Variants in SUGCT observed in about 807,000 individuals in gnomAD.
SUGCT encodes the protein succinyl-CoA:glutarate-CoA transferase.
Under a neutral mutation model 55.0 loss-of-function variants are expected in SUGCT, and 41 were observed. The ratio of observed to expected loss-of-function variants is 0.74; its 90% confidence interval spans 0.58 to 0.97. The LOEUF (loss-of-function observed/expected upper bound fraction) is 0.97. Ranked by LOEUF, SUGCT falls within the 50% of genes least tolerant of loss-of-function variation. The pLI, the probability that SUGCT is intolerant of heterozygous loss-of-function variation, is 0.00. For missense variants in SUGCT, 568 were observed against 547.8 expected (o/e 1.04, Z -0.37); for synonymous variants, 187 against 200.4 (o/e 0.93, Z 0.56).
At chr7:40,265,732 A>G (rs1203231756) in intron 7 of SUGCT, among the ~76,000 whole-genome samples, 1 of 152,178 alleles carries the variant, frequency 6.6e-6, no homozygotes, top group Non-Finnish European at 1.5e-5. Context: ...AGACAGGCAG[A>G]TCACTTTAAG....
chr7:40,372,238 T>C (rs1039719624), intron 9 of SUGCT, among the ~76,000 whole-genome samples: 5 of 152,074 alleles, frequency 3.3e-5, no homozygotes, highest in African/African-American at 4.8e-5. Context: ...ATCTGTCAGG[T>C]GTCTGTGTCT....
chr7:40,682,573 A>G (rs1446531143), intron 12 of SUGCT, among the ~76,000 whole-genome samples: 3 of 152,234 alleles, frequency 2.0e-5, no homozygotes, highest in African/African-American at 7.2e-5. Context: ...TGTCCGCTGG[A>G]GAACTCATTG....
chr7:40,224,343 TA>T (rs1317687395), intron 6 of SUGCT, among the ~76,000 whole-genome samples: 1 of 152,034 alleles, frequency 6.6e-6, no homozygotes, highest in Non-Finnish European at 1.5e-5. Flanking sequence ...TGGTTTATAA[TA>T]GTTTTTTTTC....
the SUGCT span, among the ~76,000 whole-genome samples, chr7:40,940,890 T>C: frequency 6.6e-6 from 1 of 152,132 alleles, no homozygotes; most frequent in Non-Finnish European, 1.5e-5. Context: ...TTGCTCTAAC[T>C]AGCATTTCCA....
chr7:40,150,298 C>T (rs372026311), intron 1 of SUGCT, among the ~76,000 whole-genome samples: 89 of 152,288 alleles, frequency 5.8e-4, no homozygotes, highest in Middle Eastern at 3.4e-3. Flanking sequence ...AGCTCTGACT[C>T]CCTGTGACTT....
chr7:40,999,212 G>T, the SUGCT span, among the ~76,000 whole-genome samples: 3 of 151,652 alleles, frequency 2.0e-5, no homozygotes, highest in Non-Finnish European at 4.4e-5. Context: ...CTTCCATTAT[G>T]CACAGCTTTT....
chr7:40,138,505 G>T (rs1434956887), intron 1 of SUGCT, among the ~76,000 whole-genome samples: 1 of 152,150 alleles, frequency 6.6e-6, no homozygotes, highest in African/African-American at 2.4e-5. Context: ...CCTTTGGGTA[G>T]ATGCACAGTA....
At chr7:40,227,594 C>G (rs935588704) in intron 6 of SUGCT, among the ~76,000 whole-genome samples, 1 of 152,030 alleles carries the variant, frequency 6.6e-6, no homozygotes, top group African/African-American at 2.4e-5. Flanking sequence ...CTTGGCTTCC[C>G]AATGTCAACT....
chr7:40,757,326 A>C (rs991433665), intron 13 of SUGCT, among the ~76,000 whole-genome samples: 3 of 152,176 alleles, frequency 2.0e-5, no homozygotes, highest in African/African-American at 7.2e-5. Context: ...AACTATGCTT[A>C]TCTGTGGCAT....
intron 9 of SUGCT, among the ~76,000 whole-genome samples, chr7:40,380,762 G>A (rs1784830351): frequency 6.6e-6 from 1 of 152,074 alleles, no homozygotes; most frequent in African/African-American, 2.4e-5. Flanking sequence ...AAAATTTGTG[G>A]TATAGTTTGC....
chr7:40,746,621 A>G (rs574835842), intron 12 of SUGCT, among the ~76,000 whole-genome samples: 13 of 152,326 alleles, frequency 8.5e-5, no homozygotes, highest in South Asian at 4.1e-4. Context: ...AAAATATCCT[A>G]TATAGACAGC....
intron 9 of SUGCT, among the ~76,000 whole-genome samples, chr7:40,401,644 A>T (rs140604534): frequency 5.7e-4 from 87 of 152,306 alleles, no homozygotes; most frequent in African/African-American, 2.0e-3. Flanking sequence ...AAGAGTGATT[A>T]AGCCCTAGGG....
At position 40,611,285 on chromosome 7, in the gene SUGCT, A is replaced by T. The variant is rs545335164; in HGVS notation, c.1089+114899A>T. Reference sequence around the variant, plus strand: ...CCTGTGTAAAGTAAAATGAATTATCATAATTTATTAGCAAATTCAATTTTC... The same window carrying T: ...CCTGTGTAAAGTAAAATGAATTATCTTAATTTATTAGCAAATTCAATTTTC... On this transcript the variant is annotated intron_variant, in intron 12 of 13. Transcript: ENST00000335693. Among the ~76,000 whole-genome samples, 8 of 152,354 alleles carry T rather than the reference A, an allele frequency of 5.3e-5. No individual in the cohort carries two copies. In the South Asian group the frequency reaches 1.4e-3, roughly 28 times the overall value.
rs1453191678 is a variant in SUGCT, at chr7:40,505,525, GT to G, written c.1089+9143del. On this transcript the variant is annotated intron_variant, in intron 12 of 13. Transcript: ENST00000335693. ...AGAATTTTTAAAGTAATATCTTTGA[GT>G]TTTCTTATTGTTTTATCTAAGCCTT... is the stretch of plus-strand genomic sequence containing the variant. Among the ~76,000 whole-genome samples the G allele has an allele frequency of 4.4e-4, 67 of 151,912 alleles. 3 individuals carry two copies. Among genetic ancestry groups the G allele is most frequent in the Non-Finnish European group, 1.0e-4 (7 of 67,948 alleles).
At chr7:40,903,707 G>A in the SUGCT span, among the ~76,000 whole-genome samples, 87 of 152,254 alleles carry the variant, frequency 5.7e-4, 2 homozygotes, top group Non-Finnish European at 4.3e-4. Flanking sequence ...GTGGCACCCT[G>A]GGCTTTCAAT....
At chr7:40,819,661 C>A (rs921755512) in intron 13 of SUGCT, among the ~76,000 whole-genome samples, 6 of 152,078 alleles carry the variant, frequency 3.9e-5, no homozygotes, top group African/African-American at 1.4e-4. Context: ...GATATTAGCC[C>A]TTTGTCAGAT....
intron 9 of SUGCT, among the ~76,000 whole-genome samples, chr7:40,428,039 C>G (rs1787678975): frequency 6.6e-6 from 1 of 151,990 alleles, no homozygotes; most frequent in African/African-American, 2.4e-5. Flanking sequence ...TTCTCTTTAT[C>G]TTCCTTTTGC....
chr7:40,847,928 AT>A, intron 13 of SUGCT, among the ~76,000 whole-genome samples: 1 of 152,318 alleles, frequency 6.6e-6, no homozygotes, highest in African/African-American at 2.4e-5. Context: ...TACTGGCATT[AT>A]ACATTAGCCA....
rs201979802 is a variant in SUGCT at position 40,315,113 on chromosome 7, A to T, written c.721-1647A>T. Among the ~76,000 whole-genome samples the T allele has an allele frequency of 4.9e-3, 157 of 32,056 alleles. No homozygotes were observed. The East Asian group carries it at 0.061, about 12-fold the overall frequency. 21.0% of individuals were successfully genotyped at this position (32,056 alleles called of 152,430 possible). A position where few individuals can be genotyped will look rare whatever the true frequency, so the allele number is the denominator to read the frequency against. On this transcript the variant is annotated intron_variant, in intron 8 of 13. Coordinates refer to ENST00000335693, the MANE Select transcript of SUGCT (RefSeq NM_001193313.2). ...TTGAATACGAGGGTTCTGCTTTTTT[A>T]AAAAAAATTTGAAAACCTTTGGTTT...
Sources: gnomAD v4.1 joint callset for allele counts (sites outside exome capture counted in the v4.1 genomes callset) on GRCh38, gnomAD v4.1.1 for gene constraint, MANE v1.5 for transcripts, NCBI Gene and HGNC (gene_info 2026-07-23, HGNC 2026-07-21) for gene names.